Variants in NCAM2 observed in about 807,000 individuals in gnomAD.
The protein encoded by NCAM2 is neural cell adhesion molecule 2, also known as N-CAM-2.
A neutral mutation model predicts 98.1 loss-of-function variants in NCAM2; 30 were observed. The ratio of observed to expected loss-of-function variants is 0.31; its 90% CI spans 0.23 to 0.41. NCAM2 has a LOEUF of 0.41. Ranked by LOEUF, NCAM2 falls within the 10% of genes least tolerant of loss-of-function variation. NCAM2 has a pLI of 1.00. For missense variants in NCAM2, 867 were observed against 1,005.8 expected (o/e 0.86, Z 1.87); for synonymous variants, 368 against 342.4 (o/e 1.07, Z -0.83).
intron 1 of NCAM2, among the ~76,000 whole-genome samples, chr21:21,260,829 A>G (rs980600863): frequency 5.3e-5 from 8 of 152,282 alleles, no homozygotes; most frequent in East Asian, 1.9e-4. Flanking sequence ...TAACAGCACT[A>G]TCACAGGAAC....
chr21:21,175,505 C>G (rs2068254455), intron 1 of NCAM2, among the ~76,000 whole-genome samples: 1 of 151,954 alleles, frequency 6.6e-6, no homozygotes, highest in South Asian at 2.1e-4. Flanking sequence ...TGCACTCCAG[C>G]CTGGGCTACA....
chr21:21,290,743 T>A (rs1353846026), intron 4 of NCAM2, among the ~76,000 whole-genome samples: 1 of 151,850 alleles, frequency 6.6e-6, no homozygotes, highest in Non-Finnish European at 1.5e-5. Flanking sequence ...CTTGTCCGTT[T>A]AATGAGTATC....
At chr21:21,006,967 T>C (rs2064124152) in intron 1 of NCAM2, among the ~76,000 whole-genome samples, 1 of 152,186 alleles carries the variant, frequency 6.6e-6, no homozygotes, top group Admixed American at 6.5e-5. Flanking sequence ...AAGACTTTTA[T>C]GGTTTTTGCT....
intron 11 of NCAM2, among the ~76,000 whole-genome samples, chr21:21,430,609 AAC>A (rs1405671510): frequency 6.6e-6 from 1 of 151,984 alleles, no homozygotes; most frequent in Admixed American, 6.6e-5. Flanking sequence ...CCTTTATAAA[AAC>A]GGGAAGAGCC....
intron 7 of NCAM2, among the ~76,000 whole-genome samples, chr21:21,337,230 C>T (rs2074895765): frequency 6.6e-6 from 1 of 151,904 alleles, no homozygotes; most frequent in African/African-American, 2.4e-5. Context: ...ATCAGGATTG[C>T]AGTGAAAAAG....
chr21:21,208,350 TAATAA>T (rs2069520008), intron 1 of NCAM2, among the ~76,000 whole-genome samples: 1 of 152,216 alleles, frequency 6.6e-6, no homozygotes, highest in South Asian at 2.1e-4. Flanking sequence ...GTCTTTAGAC[TAATAA>T]AATCCAATCT....
chr21:21,062,607 A>T (rs1450006907), intron 1 of NCAM2, among the ~76,000 whole-genome samples: 2 of 152,200 alleles, frequency 1.3e-5, no homozygotes, highest in African/African-American at 4.8e-5. Flanking sequence ...GAACTTTGAG[A>T]TAAATTTTTG....
rs149390445 is a variant in NCAM2 at position 21,476,481 on chromosome 21, G to A, written c.1897-810G>A. Among the ~76,000 whole-genome samples, 215 of 152,090 alleles carry A rather than the reference G, an allele frequency of 1.4e-3. 1 individual carries two copies. The highest frequency in any genetic ancestry group is 3.9e-3 in the Admixed American group (60 of 15,238). On this transcript the variant is annotated intron_variant, in intron 14 of 17. Transcript: ENST00000400546. Reference sequence around the variant, plus strand: ...AGGAAGACAAGCCAGAAAGGTTAAGGAAGCTTTCTGTGTTTAAATTTTTAA... The same window carrying A: ...AGGAAGACAAGCCAGAAAGGTTAAGAAAGCTTTCTGTGTTTAAATTTTTAA...
In NCAM2 at chr21:21,089,005, G is replaced by A. The variant is rs535534247; in HGVS notation, c.55+90387G>A. Among the ~76,000 whole-genome samples the A allele has an allele frequency of 2.4e-4, 36 of 151,432 alleles. 2 individuals carry two copies. The South Asian group carries it at 4.4e-3, about 18-fold the overall frequency. On this transcript the variant is annotated intron_variant, in intron 1 of 17. Transcript: ENST00000400546. ...AAAGAAGAGACATCCACATTCTTAG[G>A]TACTGTTTTTCAGGCTTCAGGGATC...
chr21:21,162,349 A>T (rs1476021998), intron 1 of NCAM2, among the ~76,000 whole-genome samples: 2 of 152,152 alleles, frequency 1.3e-5, no homozygotes, highest in Non-Finnish European at 2.9e-5. Context: ...TTCCTATTAA[A>T]TACAAAAATA....
chr21:21,090,906 A>G (rs1174501992), intron 1 of NCAM2, among the ~76,000 whole-genome samples: 1 of 152,188 alleles, frequency 6.6e-6, no homozygotes, highest in African/African-American at 2.4e-5. Flanking sequence ...TGAAAACCAT[A>G]AATCAATAGA....
chr21:21,044,059 GAGAA>G lies in NCAM2; in HGVS notation c.55+45449_55+45452del, dbSNP rs374340628. On this transcript the variant is annotated intron_variant, in intron 1 of 17. Coordinates refer to ENST00000400546, the MANE Select transcript of NCAM2 (RefSeq NM_004540.5). The stretch of plus-strand genomic sequence containing the variant: ...TTTGTGTGTGTGTGTGTGGCAGAGA[GAGAA>G]AGAAAGAGATTATTAATGAGAGCAG... Among the ~76,000 whole-genome samples the G allele has an allele frequency of 1.6e-3, 236 of 152,140 alleles. 1 individual carries two copies. The highest frequency in any genetic ancestry group is 5.3e-3 in the African/African-American group (220 of 41,512).
chr21:21,479,544 A>C (rs1555904920), intron 15 of NCAM2, among the ~76,000 whole-genome samples: 1 of 142,334 alleles, frequency 7.0e-6, no homozygotes, highest in Non-Finnish European at 1.5e-5. Context: ...AGACCGCGCC[A>C]CTGCACTCCA....
intron 12 of NCAM2, among the ~76,000 whole-genome samples, chr21:21,464,558 C>T (rs1405691336): frequency 2.0e-5 from 3 of 151,988 alleles, no homozygotes; most frequent in Non-Finnish European, 4.4e-5. Context: ...AAATAAATGC[C>T]TTGATTGTAA....
At chr21:21,297,237 G>C (rs1421972346) in intron 5 of NCAM2, among the ~76,000 whole-genome samples, 2 of 151,692 alleles carry the variant, frequency 1.3e-5, no homozygotes, top group Admixed American at 6.6e-5. Flanking sequence ...TAAATTCATA[G>C]GTAGATTTGG....
intron 1 of NCAM2, among the ~76,000 whole-genome samples, chr21:21,156,855 G>A (rs1417750228): frequency 6.6e-6 from 1 of 152,000 alleles, no homozygotes; most frequent in Non-Finnish European, 1.5e-5. Flanking sequence ...TATGATCCAG[G>A]CTTGACTAAA....
chr21:21,046,033 T>C (rs935775778), intron 1 of NCAM2, among the ~76,000 whole-genome samples: 6 of 152,190 alleles, frequency 3.9e-5, no homozygotes, highest in Non-Finnish European at 5.9e-5. Context: ...GTGGCTCAGT[T>C]TTCTTGCCTA....
At chr21:21,026,566 A>C (rs2064549812) in intron 1 of NCAM2, among the ~76,000 whole-genome samples, 1 of 151,838 alleles carries the variant, frequency 6.6e-6, no homozygotes, top group Non-Finnish European at 1.5e-5. Flanking sequence ...CGGAGGTTGC[A>C]GTGAGCTGAG....
At position 21,508,808 on chromosome 21, in the gene NCAM2, C is replaced by CTTTTTTTTTTTTTTTTT. The variant is rs764097299; in HGVS notation, c.2078-27_2078-11dup. The stretch of plus-strand genomic sequence containing the variant: ...ATTTAGAGGTTTAATACTTTTTTTC[C>CTTTTTTTTTTTTTTTTT]TTTTTTTTTTTTTTTTTTTTTTTTT... On this transcript the variant is annotated intron_variant, in intron 15 of 17. Coordinates refer to ENST00000400546, the MANE Select transcript of NCAM2 (RefSeq NM_004540.5). 1.9e-5 allele frequency: 8 copies of CTTTTTTTTTTTTTTTTT among 413,286 alleles called. 1 individual carries two copies. Among genetic ancestry groups the CTTTTTTTTTTTTTTTTT allele is most frequent in the African/African-American group, 6.8e-5 (2 of 29,380 alleles). 25.6% of individuals were successfully genotyped at this position (413,286 alleles called of 1,614,324 possible). A position where few individuals can be genotyped will look rare whatever the true frequency, so the allele number is the denominator to read the frequency against.
Sources: gnomAD v4.1 joint callset for allele counts (sites outside exome capture counted in the v4.1 genomes callset) on GRCh38, gnomAD v4.1.1 for gene constraint, MANE v1.5 for transcripts, NCBI Gene and HGNC (gene_info 2026-07-23, HGNC 2026-07-21) for gene names.